DIPK1A: variants seen among roughly 807,000 people sequenced by gnomAD.
DIPK1A encodes family with sequence similarity 69 member A.
In DIPK1A, 27 loss-of-function variants were observed where a neutral mutation model predicts 40.8. The observed-to-expected ratio is 0.66, with a 90% CI of 0.49 to 0.91. DIPK1A has a LOEUF of 0.91. Ranked by LOEUF, DIPK1A falls within the 40% of genes least tolerant of loss-of-function variation. The probability of loss-of-function intolerance (pLI) is 0.00; values close to 1 mark genes in which losing one functional copy is unlikely to be tolerated. For missense variants in DIPK1A, 412 were observed against 505.7 expected (o/e 0.81, Z 1.78); for synonymous variants, 166 against 171.3 (o/e 0.97, Z 0.24).
At chr1:92,917,633 T>C (rs1456369452) in intron 1 of DIPK1A, among the ~76,000 whole-genome samples, 1 of 152,206 alleles carries the variant, frequency 6.6e-6, no homozygotes, top group Admixed American at 6.5e-5. Context: ...TGAATTTACA[T>C]AAGTGTAAAA....
At chr1:92,861,194 CATAA>C (rs747455326) in intron 2 of DIPK1A, among the ~76,000 whole-genome samples, 1 of 151,986 alleles carries the variant, frequency 6.6e-6, no homozygotes, top group African/African-American at 2.4e-5. Flanking sequence ...GTGGGTTTTT[CATAA>C]ATGTCTTTTA....
chr1:92,951,340 T>TCAGCCAG (rs1403573222), intron 1 of DIPK1A, among the ~76,000 whole-genome samples: 1 of 152,118 alleles, frequency 6.6e-6, no homozygotes, highest in Non-Finnish European at 1.5e-5. Context: ...AGAACAATCC[T>TCAGCCAG]CAGCCAGCAG....
intron 1 of DIPK1A, among the ~76,000 whole-genome samples, 197 bp downstream of exon 1, chr1:92,961,179 C>T (rs1487162549): frequency 7.1e-6 from 1 of 141,534 alleles, no homozygotes; most frequent in East Asian, 2.3e-4. Context: ...CCGCGAGGGC[C>T]GCGGTGGGGG....
intron 4 of DIPK1A, chr1:92,833,604 A>G (rs1232329456): frequency 6.2e-7 from 1 of 1,612,742 alleles, no homozygotes; most frequent in Admixed American, 1.7e-5. Context: ...AAATAAATAC[A>G]ACACACCCAA....
intron 2 of DIPK1A, among the ~76,000 whole-genome samples, chr1:92,872,310 G>A (rs931374468): frequency 2.0e-5 from 3 of 151,816 alleles, no homozygotes; most frequent in Admixed American, 1.3e-4. Flanking sequence ...TCAAACTCCT[G>A]GAGTCAAGTG....
At chr1:92,870,073 T>TACACACACAC (rs1211095931) in intron 2 of DIPK1A, among the ~76,000 whole-genome samples, 1 of 143,634 alleles carries the variant, frequency 7.0e-6, no homozygotes, top group African/African-American at 2.6e-5. Flanking sequence ...ATGAATTATA[T>TACACACACAC]ATACACACAC....
chr1:92,950,829 T>C (rs1201648272), intron 1 of DIPK1A, among the ~76,000 whole-genome samples: 1 of 152,228 alleles, frequency 6.6e-6, no homozygotes, highest in Admixed American at 6.5e-5. Flanking sequence ...CTTTCATAGT[T>C]ATTGCCAGAA....
chr1:92,835,546 A>G (rs912031838), intron 4 of DIPK1A, among the ~76,000 whole-genome samples: 19 of 151,468 alleles, frequency 1.3e-4, no homozygotes, highest in African/African-American at 4.1e-4. Flanking sequence ...TGTAGTCCCA[A>G]CTACTTGGGA....
chr1:92,848,718 A>G (rs1005742413), intron 3 of DIPK1A, among the ~76,000 whole-genome samples: 3 of 152,188 alleles, frequency 2.0e-5, no homozygotes, highest in Non-Finnish European at 2.9e-5. Flanking sequence ...ACATTAGAAC[A>G]TGAGGCCAGA....
intron 3 of DIPK1A, among the ~76,000 whole-genome samples, chr1:92,848,028 C>T (rs1687694939): frequency 1.3e-5 from 2 of 152,158 alleles, no homozygotes; most frequent in Non-Finnish European, 2.9e-5. Context: ...TGAGGCACCA[C>T]ACCTGGCTTT....
chr1:92,844,703 A>G (rs1198259836), intron 4 of DIPK1A, among the ~76,000 whole-genome samples: 2 of 152,184 alleles, frequency 1.3e-5, no homozygotes, highest in Non-Finnish European at 2.9e-5. Context: ...TGCTCGGATT[A>G]CAGGCATGAG....
At chr1:92,911,310 A>T (rs4394666) in intron 1 of DIPK1A, among the ~76,000 whole-genome samples, 4,837 of 152,282 alleles carry the variant, frequency 0.032, 246 homozygotes, top group African/African-American at 0.1. Context: ...CTGTGGGAAC[A>T]CATCTAGAAG....
intron 2 of DIPK1A, among the ~76,000 whole-genome samples, chr1:92,862,280 A>G (rs1003985760): frequency 1.3e-5 from 2 of 152,090 alleles, no homozygotes; most frequent in African/African-American, 4.8e-5. Flanking sequence ...CACTCAATCT[A>G]TCAAAGACTG....
At chr1:92,900,372 T>A (rs1649357996) in intron 1 of DIPK1A, among the ~76,000 whole-genome samples, 1 of 152,168 alleles carries the variant, frequency 6.6e-6, no homozygotes, top group Non-Finnish European at 1.5e-5. Flanking sequence ...GAGATTCTTC[T>A]GCTTGATCAA....
At chr1:92,960,550 T>G (rs748185566) in intron 1 of DIPK1A, among the ~76,000 whole-genome samples, 1 of 152,122 alleles carries the variant, frequency 6.6e-6, no homozygotes, top group Non-Finnish European at 1.5e-5. Flanking sequence ...GACCAAACAG[T>G]ACACTTAGGC....
downstream of DIPK1A, chr1:92,840,356 C>G (rs1461993470): frequency 7.3e-6 from 4 of 551,026 alleles, no homozygotes; most frequent in African/African-American, 7.6e-5. Context: ...TGATAATTCA[C>G]ATTGCATAAG....
chr1:92,833,727 C>CA, intron 4 of DIPK1A: 2 of 1,295,134 alleles, frequency 1.5e-6, no homozygotes, highest in Non-Finnish European at 2.2e-6. Flanking sequence ...AAGCAAAGCA[C>CA]ATGGTGTGTG....
chr1:92,867,432 G>T (rs1428821601), intron 2 of DIPK1A, among the ~76,000 whole-genome samples: 7 of 152,134 alleles, frequency 4.6e-5, no homozygotes, highest in Admixed American at 3.3e-4. Flanking sequence ...GAGAGAAAAA[G>T]ACAGAGGCAT....
chr1:92,927,208 G>C (rs1650549027), intron 1 of DIPK1A, among the ~76,000 whole-genome samples: 1 of 152,008 alleles, frequency 6.6e-6, no homozygotes, highest in African/African-American at 2.4e-5. Flanking sequence ...TTTGAAACAA[G>C]GTCTTGCTTT....
Sources: gnomAD v4.1 joint callset for allele counts (sites outside exome capture counted in the v4.1 genomes callset) on GRCh38, gnomAD v4.1.1 for gene constraint, MANE v1.5 for transcripts, NCBI Gene and HGNC (gene_info 2026-07-23, HGNC 2026-07-21) for gene names.